Variants in BBS2 observed in about 807,000 individuals in gnomAD.
BBS2 encodes the protein Bardet-Biedl syndrome 2.
A neutral mutation model predicts 83.0 loss-of-function variants in BBS2; 62 were observed. The observed-to-expected ratio is 0.75, with a 90% CI of 0.61 to 0.92. The LOEUF is 0.92. Ranked by LOEUF, BBS2 falls within the 40% of genes least tolerant of loss-of-function variation. The pLI, the probability that BBS2 is intolerant of heterozygous loss-of-function variation, is 0.00. For missense variants in BBS2, 784 were observed against 901.0 expected, an observed-to-expected ratio of 0.87 and a Z score of 1.66; for synonymous variants, 303 against 326.1, an observed-to-expected ratio of 0.93 and a Z score of 0.76.
Position 56,489,449 on chromosome 16 carries a change from G to A in BBS2, c.1911-3711C>T, listed in dbSNP as rs115599537. On this transcript the variant is annotated intron_variant, in intron 15 of 16. Coordinates refer to ENST00000245157, the MANE Select transcript of BBS2 (RefSeq NM_031885.5). ...TAGATTCAACTGTGTACAGAAATAT[G>A]ATATATGATAAGGGCAGTATCTGAA... is the stretch of plus-strand genomic sequence containing the variant. Among the ~76,000 whole-genome samples the A allele has an allele frequency of 5.0e-3, 755 of 152,276 alleles. 6 individuals carry two copies. The highest frequency in any genetic ancestry group is 0.017 in the African/African-American group (719 of 41,550).
rs1177133431 is a variant in BBS2 at position 56,499,993 on chromosome 16, T to G, written c.1398-86A>C. ...AAGGCCCAGAAAATAAAGCCACTTC[T>G]GGGTCATCAATTGATATTTAAGGGT... On this transcript the variant is annotated intron_variant, in intron 11 of 16. Coordinates refer to ENST00000245157, the MANE Select transcript of BBS2 (RefSeq NM_031885.5). 2.0e-6 allele frequency: 3 copies of G among 1,528,338 alleles called. No homozygotes were observed. The African/African-American group carries it at 4.1e-5, about 21-fold the overall frequency. 94.7% of individuals were successfully genotyped at this position (1,528,338 alleles called of 1,614,324 possible).
At chr16:56,518,266 A>C (rs1165690802) in intron 1 of BBS2, among the ~76,000 whole-genome samples, 1 of 152,214 alleles carries the variant, frequency 6.6e-6, no homozygotes, top group Admixed American at 6.5e-5. Context: ...TATACATGGA[A>C]GTGTCCTAAA....
intron 17 of BBS2, chr16:56,475,613 C>A: frequency 6.4e-7 from 1 of 1,560,942 alleles, no homozygotes. Context: ...ATTGAGAATG[C>A]TTTCATTTTT....
In BBS2 at chr16:56,504,633, C is replaced by T. The variant is rs1964375488; in HGVS notation, c.804+1317G>A. Among the ~76,000 whole-genome samples, 4 of 152,164 alleles carry T rather than the reference C, an allele frequency of 2.6e-5. No individual in the cohort carries two copies. In the South Asian group the frequency reaches 8.3e-4, roughly 32 times the overall value. The stretch of plus-strand genomic sequence containing the variant: ...CTTATCTTTTTCATGCTCAGGAACG[C>T]ATTACATAATAGAAATCCCTTAAAA... On this transcript the variant is annotated intron_variant, in intron 7 of 16. Coordinates refer to ENST00000245157, the MANE Select transcript of BBS2 (RefSeq NM_031885.5).
chr16:56,498,416 C>A, intron 13 of BBS2, 21 bp downstream of exon 13: 1 of 1,613,388 alleles, frequency 6.2e-7, no homozygotes, highest in Non-Finnish European at 8.5e-7. Flanking sequence ...GAAATCTATG[C>A]CCCGTGATAT....
intron 7 of BBS2, among the ~76,000 whole-genome samples, chr16:56,503,667 G>A (rs1597017747): frequency 6.6e-6 from 1 of 152,182 alleles, no homozygotes; most frequent in Admixed American, 6.5e-5. Flanking sequence ...CGCCTGTAAT[G>A]CCAGCACTTT....
At chr16:56,514,426 T>C (rs781507245) in intron 2 of BBS2, 27 bp downstream of exon 2, 3 of 1,597,636 alleles carry the variant, frequency 1.9e-6, no homozygotes, top group Non-Finnish European at 2.6e-6. Flanking sequence ...GTAATGACAA[T>C]TTTATGGTTA....
chr16:56,503,685 C>A (rs529399347), intron 7 of BBS2, among the ~76,000 whole-genome samples: 1 of 152,148 alleles, frequency 6.6e-6, no homozygotes, highest in East Asian at 1.9e-4. Context: ...TTTGTGAGGC[C>A]GAGGCAGGCG....
In BBS2 at chr16:56,502,476, C is replaced by A; in HGVS notation, c.941-20G>T. The stretch of plus-strand genomic sequence containing the variant: ...CCCGGACTGAACAGAAGGAAAAAAC[C>A]GCAAGTATAACCAGGTATACTTTTA... On this transcript the variant is annotated intron_variant, in intron 8 of 16. Transcript: ENST00000245157. 1.2e-5 allele frequency: 19 copies of A among 1,614,074 alleles called. No homozygotes were observed. Among genetic ancestry groups the A allele is most frequent in the Non-Finnish European group, 1.5e-5 (18 of 1,180,020 alleles).
intron 1 of BBS2, among the ~76,000 whole-genome samples, 153 bp from the exon 2 acceptor site, chr16:56,514,833 T>C (rs1215278546): frequency 1.3e-5 from 2 of 152,226 alleles, no homozygotes; most frequent in Non-Finnish European, 2.9e-5. Flanking sequence ...CATAGTTCAA[T>C]GCATGGACAA....
At chr16:56,506,354 C>T in intron 5 of BBS2, 130 bp from the exon 6 acceptor site, 1 of 721,868 alleles carries the variant, frequency 1.4e-6, no homozygotes, top group Non-Finnish European at 2.5e-6. Flanking sequence ...GCTTCCAATC[C>T]ATTAGTGGGG....
At chr16:56,506,498 C>A (rs1430252829) in intron 5 of BBS2, among the ~76,000 whole-genome samples, 2 of 152,118 alleles carry the variant, frequency 1.3e-5, no homozygotes, top group Non-Finnish European at 2.9e-5. Flanking sequence ...TTAAAAAACA[C>A]ATGAAAACTG....
chr16:56,495,766 ATGTGTGTG>A lies in BBS2; in HGVS notation c.1910+1193_1910+1200del, dbSNP rs34446691. Among the ~76,000 whole-genome samples the A allele has an allele frequency of 5.7e-4, 85 of 149,316 alleles. 1 individual carries two copies. The highest frequency in any genetic ancestry group is 1.9e-3 in the African/African-American group (78 of 40,702). On this transcript the variant is annotated intron_variant, in intron 15 of 16. Transcript: ENST00000245157. ...GATTTTTATACAGACGTGTGTATAT[ATGTGTGTG>A]TGTGTGTGTGTGTGTGTATATATAT...
intron 17 of BBS2, chr16:56,476,625 TC>T (rs1963489140): frequency 6.5e-6 from 1 of 153,912 alleles, no homozygotes; most frequent in African/African-American, 2.4e-5. Context: ...TTTTCCATCT[TC>T]CCAAATTCTG....
chr16:56,509,729 T>C (rs184926656), intron 5 of BBS2: 1 of 521,558 alleles, frequency 1.9e-6, no homozygotes, highest in East Asian at 3.5e-5. Flanking sequence ...TATTCAACTA[T>C]ATGCAATAAT....
rs375253217 is a variant in BBS2 at position 56,519,878 on chromosome 16, G to C, written c.-16C>G. The C allele has an allele frequency of 1.8e-4, 295 of 1,601,792 alleles. No individual in the cohort carries two copies. The highest frequency in any genetic ancestry group is 2.4e-4 in the Non-Finnish European group (285 of 1,169,146). On this transcript the variant is annotated 5_prime_UTR_variant, in exon 1 of 17. Transcript: ENST00000245157. ...GCAGCAGCATGATGGCGGCGGCTTA[G>C]GGGAGGAGGGCTGGAAGCTGGAGAC...
chr16:56,497,090 T>C lies in BBS2; in HGVS notation c.1798-11A>G, dbSNP rs374344685. ...ATGATATTCATCCACCTGGAGACCA[T>C]GAACACTCAGGAATGAAAAAGGCCT... On this transcript the variant is annotated splice_polypyrimidine_tract_variant and intron_variant, in intron 14 of 16. Coordinates refer to ENST00000245157, the MANE Select transcript of BBS2 (RefSeq NM_031885.5). 83 of 1,567,320 alleles carry C rather than the reference T, an allele frequency of 5.3e-5. No homozygotes were observed. Among genetic ancestry groups the C allele is most frequent in the Non-Finnish European group, 6.7e-5 (76 of 1,137,538 alleles).
In BBS2 at chr16:56,499,817, G is replaced by C. The variant is rs764920240; in HGVS notation, c.1488C>G (p.Ile496Met). The C allele has an allele frequency of 1.2e-6, 2 of 1,614,058 alleles. No homozygotes were observed. The highest frequency in any genetic ancestry group is 2.7e-5 in the African/African-American group (2 of 74,926). ...CTGCAATGGTAAAGTTAACATAACT[G>C]ATTGGCTCACTGGCAGGGTCCAGGC... ...LTSLDPASEP[I>M]SYVNFTIAER... The change falls in exon 12 of 17, where the codon ATC (isoleucine) becomes ATG (methionine). Residue 496 changes from isoleucine (I) to methionine (M), a missense_variant. Physicochemically the swap from Ile to Met is conservative, Grantham distance 10 (BLOSUM62 1). Transcript: ENST00000245157.
chr16:56,486,209 A>G (rs1262878897), intron 15 of BBS2, among the ~76,000 whole-genome samples: 1 of 152,260 alleles, frequency 6.6e-6, no homozygotes, highest in Non-Finnish European at 1.5e-5. Context: ...TGAAGATACC[A>G]AATGCTAGCA....
Sources: allele counts gnomAD v4.1 joint callset (sites outside exome capture counted in the v4.1 genomes callset), GRCh38; gene constraint gnomAD v4.1.1; transcripts MANE v1.5; gene names NCBI Gene and HGNC (gene_info 2026-07-23, HGNC 2026-07-21).